SGCZ: variants seen among roughly 807,000 people sequenced by gnomAD.
The protein encoded by SGCZ is zeta-sarcoglycan.
Under a neutral mutation model 41.3 loss-of-function variants are expected in SGCZ, and 40 were observed. That is an observed-to-expected ratio of 0.97 (90% CI 0.75 to 1.26). The LOEUF (loss-of-function observed/expected upper bound fraction) is 1.26, where lower values mean the gene tolerates loss of function less well. SGCZ is among the 50% of genes most tolerant of loss of function. The pLI is 0.00. For synonymous variants in SGCZ, 206 were observed against 137.5 expected (o/e 1.50, Z -3.49); for missense variants, 552 against 369.8 (o/e 1.49, Z -4.04).
intron 2 of SGCZ, among the ~76,000 whole-genome samples, chr8:14,445,363 C>T (rs928355935): frequency 6.6e-6 from 1 of 152,290 alleles, no homozygotes; most frequent in Non-Finnish European, 1.5e-5. Context: ...GCCTAACCCA[C>T]ACCTATCCTT....
At chr8:14,927,697 C>T (rs1355967746) in intron 1 of SGCZ, among the ~76,000 whole-genome samples, 1 of 152,122 alleles carries the variant, frequency 6.6e-6, no homozygotes, top group Non-Finnish European at 1.5e-5. Context: ...GTTATTTCAT[C>T]TTCTTAATGC....
At chr8:14,103,529 C>T (rs137956446) in intron 6 of SGCZ, among the ~76,000 whole-genome samples, 24 of 152,230 alleles carry the variant, frequency 1.6e-4, no homozygotes, top group African/African-American at 5.5e-4. Context: ...AAAGAACCAC[C>T]TCAAATGGTT....
intron 1 of SGCZ, among the ~76,000 whole-genome samples, chr8:15,016,757 C>T (rs1803052121): frequency 6.6e-6 from 1 of 152,134 alleles, no homozygotes; most frequent in African/African-American, 2.4e-5. Context: ...TTATTTGGCT[C>T]ACAGTTCTGC....
intron 2 of SGCZ, among the ~76,000 whole-genome samples, chr8:14,367,272 C>T (rs1036979952): frequency 1.3e-5 from 2 of 152,146 alleles, no homozygotes; most frequent in East Asian, 3.9e-4. Flanking sequence ...ATTCATTATC[C>T]ATATCACTAT....
At chr8:14,734,153 A>G (rs1196858445) in intron 1 of SGCZ, among the ~76,000 whole-genome samples, 3 of 152,198 alleles carry the variant, frequency 2.0e-5, no homozygotes, top group African/African-American at 7.2e-5. Context: ...ATATTTAGGA[A>G]CTAGAACAGC....
At chr8:14,834,699 G>T (rs1357364709) in intron 1 of SGCZ, among the ~76,000 whole-genome samples, 1 of 152,126 alleles carries the variant, frequency 6.6e-6, no homozygotes, top group East Asian at 1.9e-4. Context: ...TTGTCACATA[G>T]TCCCAACTAA....
intron 6 of SGCZ, among the ~76,000 whole-genome samples, chr8:14,107,228 A>T (rs1447738711): frequency 1.2e-4 from 16 of 133,308 alleles, no homozygotes. Flanking sequence ...AAATAAAAAT[A>T]AAAAAATAAA....
At chr8:14,303,010 G>C (rs1486153390) in intron 3 of SGCZ, among the ~76,000 whole-genome samples, 4 of 152,114 alleles carry the variant, frequency 2.6e-5, no homozygotes, top group Non-Finnish European at 5.9e-5. Context: ...CTTTGCTCTA[G>C]CATGCTGCTT....
chr8:14,521,928 TTCTC>T (rs909749659), intron 2 of SGCZ, among the ~76,000 whole-genome samples: 23 of 152,232 alleles, frequency 1.5e-4, no homozygotes, highest in African/African-American at 4.8e-4. Flanking sequence ...TTAAGGAAGT[TTCTC>T]TCTATTACTC....
At chr8:14,761,741 G>C (rs905895540) in intron 1 of SGCZ, among the ~76,000 whole-genome samples, 3 of 151,854 alleles carry the variant, frequency 2.0e-5, no homozygotes, top group Admixed American at 2.0e-4. Context: ...GGCCAGTATA[G>C]TACAAACTCC....
chr8:14,830,451 C>T (rs899873820), intron 1 of SGCZ, among the ~76,000 whole-genome samples: 2 of 152,030 alleles, frequency 1.3e-5, no homozygotes, highest in Non-Finnish European at 2.9e-5. Context: ...ATTCTTTATT[C>T]TTCCTCTTTC....
At position 14,742,848 on chromosome 8, in the gene SGCZ, G is replaced by A. The variant is rs529140095; in HGVS notation, c.40-187922C>T. ...ATTTACACTTTACCTTTATCACAATGTTGAATTTCTCACTAAACCTGCTTA... is the reference window on the plus strand; with the variant it reads ...ATTTACACTTTACCTTTATCACAATATTGAATTTCTCACTAAACCTGCTTA... On this transcript the variant is annotated intron_variant, in intron 1 of 7. Transcript: ENST00000382080. 2.0e-5 allele frequency among the ~76,000 whole-genome samples: 3 copies of A among 152,130 alleles called. 1 individual carries two copies. In the South Asian group the frequency reaches 6.2e-4, roughly 32 times the overall value.
chr8:14,149,904 T>C (rs1025342871), intron 5 of SGCZ, among the ~76,000 whole-genome samples: 1 of 151,976 alleles, frequency 6.6e-6, no homozygotes, highest in African/African-American at 2.4e-5. Flanking sequence ...TCAACAAAGG[T>C]GCCAAGAACA....
chr8:15,056,880 G>A (rs189750908), intron 1 of SGCZ, among the ~76,000 whole-genome samples: 4 of 152,216 alleles, frequency 2.6e-5, no homozygotes, highest in Admixed American at 2.0e-4. Flanking sequence ...TCACCTCTCT[G>A]AGCTATTGCT....
At chr8:14,738,345 G>A (rs1214164601) in intron 1 of SGCZ, among the ~76,000 whole-genome samples, 1 of 151,836 alleles carries the variant, frequency 6.6e-6, no homozygotes, top group Non-Finnish European at 1.5e-5. Flanking sequence ...TTCATCATGT[G>A]TGATCTAAAC....
chr8:14,133,905 T>C (rs999199389), intron 5 of SGCZ, among the ~76,000 whole-genome samples: 27 of 152,200 alleles, frequency 1.8e-4, no homozygotes, highest in African/African-American at 5.5e-4. Flanking sequence ...CATTGACTAC[T>C]TAATAAATAT....
chr8:14,112,739 A>C (rs762839306), intron 5 of SGCZ, among the ~76,000 whole-genome samples: 66 of 152,124 alleles, frequency 4.3e-4, no homozygotes, highest in Non-Finnish European at 8.4e-4. Context: ...CCAGATCATG[A>C]ATAACATGAT....
intron 1 of SGCZ, among the ~76,000 whole-genome samples, chr8:14,771,039 A>C (rs1047134792): frequency 6.6e-6 from 1 of 152,146 alleles, no homozygotes; most frequent in Non-Finnish European, 1.5e-5. Flanking sequence ...AAATGAACAA[A>C]AAACAGAGAG....
chr8:14,239,397 T>G (rs927003227), intron 3 of SGCZ, among the ~76,000 whole-genome samples: 1 of 152,128 alleles, frequency 6.6e-6, no homozygotes, highest in Non-Finnish European at 1.5e-5. Context: ...TGAAACATCC[T>G]GCAGTTCAAA....
Sources: gnomAD v4.1 joint callset for allele counts (sites outside exome capture counted in the v4.1 genomes callset) on GRCh38, gnomAD v4.1.1 for gene constraint, MANE v1.5 for transcripts, NCBI Gene and HGNC (gene_info 2026-07-23, HGNC 2026-07-21) for gene names.